COL22A1: variants seen among roughly 807,000 people sequenced by gnomAD.
COL22A1 encodes collagen alpha-1(XXII) chain.
In COL22A1, 221 loss-of-function variants were observed where a neutral mutation model predicts 248.9. The ratio of observed to expected loss-of-function variants is 0.89; its 90% CI spans 0.80 to 0.99. The LOEUF (loss-of-function observed/expected upper bound fraction) is 0.99. Ranked by LOEUF, COL22A1 falls within the 50% of genes least tolerant of loss-of-function variation. The pLI is 0.00. For synonymous variants in COL22A1, 891 were observed against 793.4 expected, an observed-to-expected ratio of 1.12 and a Z score of -2.07; for missense variants, 2,240 against 2,179.0, an observed-to-expected ratio of 1.03 and a Z score of -0.56.
At chr8:138,806,075 A>ATGGTGTGTGTG (rs1563788270) in intron 10 of COL22A1, among the ~76,000 whole-genome samples, 1 of 37,332 alleles carries the variant, frequency 2.7e-5, no homozygotes, top group Non-Finnish European at 4.7e-5. Flanking sequence ...GGTGTGTGTG[A>ATGGTGTGTGTG]TGGTGTGTGT....
In COL22A1 at chr8:138,790,711, G is replaced by A. The variant is rs185461878; in HGVS notation, c.1596+6108C>T. On this transcript the variant is annotated intron_variant, in intron 12 of 64. Coordinates refer to ENST00000303045, the MANE Select transcript of COL22A1 (RefSeq NM_152888.3). ...TCTTGTTGGGATAAGGGAAGACCTG[G>A]CTTCTCTGTGACTGCAGACCTGACT... is the stretch of plus-strand genomic sequence containing the variant. 5.9e-4 allele frequency among the ~76,000 whole-genome samples: 90 copies of A among 152,300 alleles called. 1 individual carries two copies. Among genetic ancestry groups the A allele is most frequent in the African/African-American group, 2.0e-3 (84 of 41,566 alleles).
intron 35 of COL22A1, 94 bp from the exon 36 acceptor site, chr8:138,690,968 C>T (rs995099644): frequency 7.0e-5 from 69 of 986,876 alleles, no homozygotes; most frequent in Middle Eastern, 2.2e-4. Context: ...CTCAATTCAC[C>T]GCAATGTGCT....
chr8:138,632,952 T>A (rs1334339422), intron 49 of COL22A1, among the ~76,000 whole-genome samples: 3 of 152,146 alleles, frequency 2.0e-5, no homozygotes, highest in African/African-American at 7.2e-5. Context: ...CTACTGCATA[T>A]GGGGATGGGG....
chr8:138,792,808 C>T (rs1490208611), intron 12 of COL22A1, among the ~76,000 whole-genome samples: 1 of 152,188 alleles, frequency 6.6e-6, no homozygotes, highest in Non-Finnish European at 1.5e-5. Flanking sequence ...TTGTCTAAGC[C>T]TCAGTTTCCT....
intron 1 of COL22A1, among the ~76,000 whole-genome samples, chr8:138,912,452 G>C (rs72731675): frequency 2.6e-5 from 4 of 152,148 alleles, no homozygotes; most frequent in African/African-American, 9.6e-5. Context: ...TAGGAGTGTC[G>C]GCATGGGCCC....
At chr8:138,840,144 G>C (rs1211376586) in intron 4 of COL22A1, among the ~76,000 whole-genome samples, 1 of 152,156 alleles carries the variant, frequency 6.6e-6, no homozygotes, top group Non-Finnish European at 1.5e-5. Context: ...GAATACAGAA[G>C]CTGTCCCTAT....
At chr8:138,605,474 TG>T (rs1180758498) in intron 58 of COL22A1, among the ~76,000 whole-genome samples, 6 of 151,604 alleles carry the variant, frequency 4.0e-5, no homozygotes, top group African/African-American at 1.5e-4. Context: ...AGCAAGGGAG[TG>T]AATAAGCCCA....
rs1226384092 is a variant in COL22A1, at chr8:138,806,244, G to A, written c.1494+1524C>T. Among the ~76,000 whole-genome samples the A allele has an allele frequency of 4.5e-5, 6 of 133,322 alleles. No individual in the cohort carries two copies. The Admixed American group carries it at 4.6e-4, about 10-fold the overall frequency. 87.5% of individuals were successfully genotyped at this position (133,322 alleles called of 152,430 possible). On this transcript the variant is annotated intron_variant, in intron 10 of 64. Transcript: ENST00000303045. Reference sequence around the variant, plus strand: ...TGATGGGGTATGTGTGTGATGGTACGTGTGTATATATGTGTGATGGTGTGT... The same window carrying A: ...TGATGGGGTATGTGTGTGATGGTACATGTGTATATATGTGTGATGGTGTGT...
intron 9 of COL22A1, 86 bp downstream of exon 9, chr8:138,811,713 G>T: frequency 6.5e-7 from 1 of 1,531,714 alleles, no homozygotes; most frequent in South Asian, 1.1e-5. Context: ...GTGCCCCCCT[G>T]ACCTGAAAGG....
At chr8:138,742,018 A>AGAGTTGATGGTGATGGTG (rs1831615271) in intron 22 of COL22A1, among the ~76,000 whole-genome samples, 1 of 115,596 alleles carries the variant, frequency 8.7e-6, no homozygotes, top group Admixed American at 8.3e-5. Context: ...TGGTGATGGT[A>AGAGTTGATGGTGATGGTG]GAGTTGATGG....
At chr8:138,788,872 A>C (rs1037221695) in intron 12 of COL22A1, among the ~76,000 whole-genome samples, 6 of 152,198 alleles carry the variant, frequency 3.9e-5, no homozygotes, top group African/African-American at 1.2e-4. Flanking sequence ...GGCAAGTATT[A>C]TTATAGTTGT....
intron 40 of COL22A1, among the ~76,000 whole-genome samples, 192 bp from the exon 41 acceptor site, chr8:138,676,827 C>G (rs1825599618): frequency 6.6e-6 from 1 of 152,194 alleles, no homozygotes; most frequent in Non-Finnish European, 1.5e-5. Flanking sequence ...ACCACAGCCA[C>G]CAACTCAGAT....
chr8:138,770,466 G>A (rs1350303599), intron 16 of COL22A1, among the ~76,000 whole-genome samples: 1 of 152,210 alleles, frequency 6.6e-6, no homozygotes, highest in Non-Finnish European at 1.5e-5. Context: ...ATGAAGGGCC[G>A]TCTCCCTGCT....
Position 138,844,175 on chromosome 8 carries a change from G to C in COL22A1, c.659-17C>G, listed in dbSNP as rs759592218. The C allele has an allele frequency of 1.2e-6, 2 of 1,612,812 alleles. No homozygotes were observed. The highest frequency in any genetic ancestry group is 1.7e-6 in the Non-Finnish European group (2 of 1,178,772). Reference sequence around the variant, plus strand: ...AGAGCACATCTGAGGAAAGCAAGAGGAAACAGAGACTGATGAGAAAATGTG... The same window carrying C: ...AGAGCACATCTGAGGAAAGCAAGAGCAAACAGAGACTGATGAGAAAATGTG... On this transcript the variant is annotated splice_polypyrimidine_tract_variant and intron_variant, in intron 3 of 64. Coordinates refer to ENST00000303045, the MANE Select transcript of COL22A1 (RefSeq NM_152888.3).
chr8:138,741,553 A>G (rs897972664), intron 22 of COL22A1, among the ~76,000 whole-genome samples: 2 of 152,276 alleles, frequency 1.3e-5, no homozygotes, highest in Non-Finnish European at 2.9e-5. Flanking sequence ...TATTTGAGGA[A>G]GTTATTTATA....
At chr8:138,755,928 C>CAAGA in intron 18 of COL22A1, 99 bp from the exon 19 acceptor site, 1 of 969,948 alleles carries the variant, frequency 1.0e-6, no homozygotes, top group Non-Finnish European at 1.6e-6. Context: ...CAGGGGACCA[C>CAAGA]ACCCCTCCCT....
intron 23 of COL22A1, 47 bp from the exon 24 acceptor site, chr8:138,725,487 C>A (rs756256213): frequency 1.6e-5 from 24 of 1,533,738 alleles, no homozygotes; most frequent in Middle Eastern, 3.5e-4. Flanking sequence ...TCCTGATGAG[C>A]CTCCTAGGGA....
At chr8:138,829,713 T>G (rs905930003) in intron 5 of COL22A1, among the ~76,000 whole-genome samples, 3 of 152,174 alleles carry the variant, frequency 2.0e-5, no homozygotes, top group Non-Finnish European at 4.4e-5. Flanking sequence ...GTGCTAGGAT[T>G]ACAGACATGA....
At chr8:138,881,268 C>T (rs554185470) in intron 2 of COL22A1, among the ~76,000 whole-genome samples, 2 of 143,512 alleles carry the variant, frequency 1.4e-5, no homozygotes, top group East Asian at 4.2e-4. Context: ...TTATTACTGT[C>T]TTTCCAGCTA....
Sources: allele counts gnomAD v4.1 joint callset (sites outside exome capture counted in the v4.1 genomes callset), GRCh38; gene constraint gnomAD v4.1.1; transcripts MANE v1.5; gene names NCBI Gene and HGNC (gene_info 2026-07-23, HGNC 2026-07-21).